The following CPNE4 variants were observed in gnomAD, a reference collection of about 807,000 sequenced individuals.
The protein encoded by CPNE4 is copine-4.
A neutral mutation model predicts 67.9 loss-of-function variants in CPNE4; 25 were observed. The ratio of observed to expected loss-of-function variants is 0.37; its 90% CI spans 0.27 to 0.51. CPNE4 has a LOEUF of 0.51. CPNE4 is among the 20% of genes least tolerant of loss of function. The pLI is 0.93. For missense variants in CPNE4, 464 were observed against 690.8 expected (o/e 0.67, Z 3.68); for synonymous variants, 242 against 244.9 (o/e 0.99, Z 0.11).
intron 14 of CPNE4, among the ~76,000 whole-genome samples, chr3:131,544,806 A>T (rs1048673484): frequency 2.0e-5 from 3 of 152,172 alleles, no homozygotes; most frequent in Admixed American, 1.3e-4. Context: ...ATTACTTCTG[A>T]TTCATGAGCA....
At chr3:131,573,619 TATAA>T (rs1270739015) in intron 10 of CPNE4, among the ~76,000 whole-genome samples, 2 of 152,126 alleles carry the variant, frequency 1.3e-5, no homozygotes, top group African/African-American at 2.4e-5. Context: ...CTTGAAAAGC[TATAA>T]ATAGTTTCCT....
intron 1 of CPNE4, among the ~76,000 whole-genome samples, chr3:131,906,151 C>A (rs1254579801): frequency 1.4e-5 from 2 of 144,840 alleles, no homozygotes; most frequent in South Asian, 2.2e-4. Context: ...TACATTTAAG[C>A]ACTGCAGGCC....
At chr3:131,849,329 C>T (rs759870851) in intron 2 of CPNE4, among the ~76,000 whole-genome samples, 1 of 152,076 alleles carries the variant, frequency 6.6e-6, no homozygotes, top group African/African-American at 2.4e-5. Context: ...ATTTAATTGG[C>T]TCACAGTTCT....
At chr3:131,759,250 C>A (rs1430669858) in intron 2 of CPNE4, among the ~76,000 whole-genome samples, 1 of 152,150 alleles carries the variant, frequency 6.6e-6, no homozygotes, top group African/African-American at 2.4e-5. Context: ...GGTTTTGGAA[C>A]TCTAGGATGA....
intron 1 of CPNE4, among the ~76,000 whole-genome samples, chr3:131,908,007 T>C (rs1283839422): frequency 6.6e-6 from 1 of 152,160 alleles, no homozygotes; most frequent in South Asian, 2.1e-4. Context: ...AGCTTGCCCA[T>C]ATTATGCAAT....
chr3:132,000,894 C>T (rs2073415920), intron 1 of CPNE4, among the ~76,000 whole-genome samples: 2 of 151,020 alleles, frequency 1.3e-5, no homozygotes, highest in African/African-American at 2.4e-5. Context: ...TTATATCTCC[C>T]TTAATATCCA....
intron 3 of CPNE4, among the ~76,000 whole-genome samples, chr3:131,718,074 A>C (rs1432601282): frequency 6.6e-6 from 1 of 151,276 alleles, no homozygotes; most frequent in African/African-American, 2.4e-5. Flanking sequence ...GGCTAACTGC[A>C]ACCTCTGCCT....
intron 2 of CPNE4, among the ~76,000 whole-genome samples, chr3:131,761,518 G>C (rs2082890916): frequency 6.6e-6 from 1 of 152,086 alleles, no homozygotes; most frequent in African/African-American, 2.4e-5. Context: ...GGACAAAAAG[G>C]AAGTTGCAGA....
intron 7 of CPNE4, among the ~76,000 whole-genome samples, chr3:131,633,567 TA>T (rs1314043626): frequency 1.3e-5 from 2 of 151,598 alleles, no homozygotes; most frequent in African/African-American, 4.9e-5. Context: ...GCTGTCTAAG[TA>T]ACTCATAAGT....
chr3:131,731,213 G>A lies in CPNE4; in HGVS notation c.181-7588C>T, dbSNP rs144633645. Among the ~76,000 whole-genome samples, 199 of 152,278 alleles carry A rather than the reference G, an allele frequency of 1.3e-3. No individual in the cohort carries two copies. The East Asian group carries it at 0.016, about 12-fold the overall frequency. On this transcript the variant is annotated intron_variant, in intron 2 of 15. Coordinates refer to ENST00000429747, the MANE Select transcript of CPNE4 (RefSeq NM_130808.3). Reference sequence around the variant, plus strand: ...ATGGATCCCCTGGGATGAACATGCCGGAGAACCTAGAGCTAGACATTCGTT... The same window carrying A: ...ATGGATCCCCTGGGATGAACATGCCAGAGAACCTAGAGCTAGACATTCGTT...
At chr3:131,683,080 AG>A (rs2080797581) in intron 6 of CPNE4, among the ~76,000 whole-genome samples, 1 of 152,140 alleles carries the variant, frequency 6.6e-6, no homozygotes, top group African/African-American at 2.4e-5. Context: ...GCTGTGCAAG[AG>A]CCAAAGTCTT....
intron 6 of CPNE4, among the ~76,000 whole-genome samples, chr3:131,673,719 CTT>C: frequency 6.6e-6 from 1 of 152,068 alleles, no homozygotes; most frequent in Non-Finnish European, 1.5e-5. Flanking sequence ...CTTGTAGAGT[CTT>C]TAGGTTTTTC....
chr3:132,030,479 G>C (rs915207156), intron 1 of CPNE4, among the ~76,000 whole-genome samples: 2 of 152,170 alleles, frequency 1.3e-5, no homozygotes, highest in African/African-American at 4.8e-5. Flanking sequence ...GTTTAGAGAT[G>C]AGTCCATCAC....
chr3:131,803,982 T>C (rs915499532), intron 2 of CPNE4, among the ~76,000 whole-genome samples: 1 of 152,184 alleles, frequency 6.6e-6, no homozygotes, highest in African/African-American at 2.4e-5. Flanking sequence ...AATCAATACA[T>C]CTTAATTATT....
At position 131,954,967 on chromosome 3, in the gene CPNE4, T is replaced by TG. The variant is rs1325145076; in HGVS notation, c.-1-49524dup. 1.1e-4 allele frequency among the ~76,000 whole-genome samples: 8 copies of TG among 75,740 alleles called. No homozygotes were observed. In the Admixed American group the frequency reaches 1.1e-3, roughly 10 times the overall value. The allele number at this position is 75,740 out of a possible 152,430, so 49.7% of individuals were successfully genotyped here. The stretch of plus-strand genomic sequence containing the variant: ...GCCGCAATAAACATACGTATGCATG[T>TG]GAAAAAAAAAAAAAAAGAATTCCTT... On this transcript the variant is annotated intron_variant, in intron 1 of 15. Transcript: ENST00000429747.
chr3:131,761,118 AG>A (rs1050117756), intron 2 of CPNE4, among the ~76,000 whole-genome samples: 1 of 146,628 alleles, frequency 6.8e-6, no homozygotes, highest in African/African-American at 2.5e-5. Flanking sequence ...TCCCCTCAAG[AG>A]GGAGGAGACA....
chr3:131,790,694 A>G (rs1438010783), intron 2 of CPNE4, among the ~76,000 whole-genome samples: 1 of 152,082 alleles, frequency 6.6e-6, no homozygotes, highest in Non-Finnish European at 1.5e-5. Context: ...GGTGCTCCTC[A>G]GCTGTCATTT....
At chr3:131,601,956 C>T (rs749522905) in intron 7 of CPNE4, among the ~76,000 whole-genome samples, 11 of 152,166 alleles carry the variant, frequency 7.2e-5, no homozygotes, top group Non-Finnish European at 1.5e-4. Flanking sequence ...TCCTCTGGGT[C>T]TCAGTCCTCA....
At chr3:132,020,734 T>C (rs567489377) in intron 1 of CPNE4, among the ~76,000 whole-genome samples, 21 of 152,158 alleles carry the variant, frequency 1.4e-4, no homozygotes, top group Non-Finnish European at 2.6e-4. Context: ...GGAAGTGTGA[T>C]TTTCACCTAT....
Sources: gnomAD v4.1 joint callset for allele counts (sites outside exome capture counted in the v4.1 genomes callset) on GRCh38, gnomAD v4.1.1 for gene constraint, MANE v1.5 for transcripts, NCBI Gene and HGNC (gene_info 2026-07-23, HGNC 2026-07-21) for gene names.